MCM10: variants seen among roughly 807,000 people sequenced by gnomAD.
MCM10 encodes protein MCM10 homolog.
MCM10 carries 91 observed loss-of-function variants against 109.9 expected under a neutral mutation model. The observed-to-expected ratio is 0.83, with a 90% CI of 0.70 to 0.99. The LOEUF (loss-of-function observed/expected upper bound fraction) is 0.99. Ranked by LOEUF, MCM10 falls within the 50% of genes least tolerant of loss-of-function variation. MCM10 has a pLI of 0.00. For synonymous variants in MCM10, 380 were observed against 387.2 expected, an observed-to-expected ratio of 0.98 and a Z score of 0.22; for missense variants, 1,077 against 1,061.2, an observed-to-expected ratio of 1.01 and a Z score of -0.21.
In MCM10 at chr10:13,164,210, G is replaced by T; in HGVS notation, c.7+1G>T. On this transcript the variant is annotated splice_donor_variant, in intron 2 of 19. Transcript: ENST00000378714. LOFTEE classifies it high-confidence loss of function. ...AACTGTCCTCTTGACAGCATGGATG[G>T]TAAGACCTGGCAGTTTTCTGTTACT... 1 of 1,596,528 alleles carries T rather than the reference G, an allele frequency of 6.3e-7. No homozygotes were observed. Among genetic ancestry groups the T allele is most frequent in the South Asian group, 1.1e-5 (1 of 87,522 alleles).
chr10:13,171,034 C>T lies in MCM10; in HGVS notation c.120C>T (p.Asp40=), dbSNP rs964658076. 1.2e-6 allele frequency: 2 copies of T among 1,614,122 alleles called. No homozygotes were observed. Among genetic ancestry groups the T allele is most frequent in the South Asian group, 1.1e-5 (1 of 91,076 alleles). ...NFLTRENGEP[D]AFDELFDADG... ...TGACGCGGGAAAATGGCGAGCCCGACGCATTTGATGAGCTCTTTGATGCCG... is the reference window on the plus strand; with the variant it reads ...TGACGCGGGAAAATGGCGAGCCCGATGCATTTGATGAGCTCTTTGATGCCG... Residue 40 remains aspartate, a synonymous_variant, in exon 3 of 20, where the codon GAC becomes GAT. Coordinates refer to ENST00000378714, the MANE Select transcript of MCM10 (RefSeq NM_018518.5).
chr10:13,209,029 G>T (rs12269085), intron 18 of MCM10, 62 bp from the exon 19 acceptor site: 1 of 1,197,280 alleles, frequency 8.4e-7, no homozygotes, highest in Non-Finnish European at 1.2e-6. Context: ...AGTGAGCACC[G>T]TCGTCTTTAC....
intron 3 of MCM10, 150 bp downstream of exon 3, chr10:13,171,413 T>G: frequency 1.3e-6 from 1 of 768,786 alleles, no homozygotes; most frequent in Non-Finnish European, 2.0e-6. Flanking sequence ...TTATATGAGT[T>G]GGTAGATGAA....
intron 11 of MCM10, 80 bp from the exon 12 acceptor site, chr10:13,192,175 A>T (rs1834355942): frequency 1.2e-6 from 1 of 848,604 alleles, no homozygotes; most frequent in Non-Finnish European, 1.9e-6. Flanking sequence ...TTACAAGTGC[A>T]GAGTTTAGAA....
intron 2 of MCM10, among the ~76,000 whole-genome samples, chr10:13,168,038 C>T (rs1208472949): frequency 6.6e-6 from 1 of 152,130 alleles, no homozygotes; most frequent in Non-Finnish European, 1.5e-5. Context: ...TGGGATTAGC[C>T]CTCGTTCTCT....
chr10:13,174,495 C>G (rs1834115163), intron 5 of MCM10, among the ~76,000 whole-genome samples: 1 of 152,130 alleles, frequency 6.6e-6, no homozygotes, highest in African/African-American at 2.4e-5. Context: ...ATAATCTGCG[C>G]CAGTGCTCTG....
intron 6 of MCM10, among the ~76,000 whole-genome samples, chr10:13,176,143 A>G (rs1173089785): frequency 6.6e-6 from 1 of 151,824 alleles, no homozygotes; most frequent in East Asian, 1.9e-4. Context: ...CATTTTTTCT[A>G]TTTCTATTGA....
chr10:13,209,726 C>T lies in MCM10; in HGVS notation c.*416C>T. On this transcript the variant is annotated 3_prime_UTR_variant, in exon 20 of 20. Coordinates refer to ENST00000378714, the MANE Select transcript of MCM10 (RefSeq NM_018518.5). ...CTTAATTCTCACTCCAGGTAAGTAG[C>T]TTAACTTCTGGGCTTCAGTTTTCTC... 1 of 165,788 alleles carries T rather than the reference C, an allele frequency of 6.0e-6. No individual in the cohort carries two copies. The highest frequency in any genetic ancestry group is 1.8e-4 in the East Asian group (1 of 5,714). 10.3% of individuals were successfully genotyped at this position (165,788 alleles called of 1,614,324 possible). A position where few individuals can be genotyped will look rare whatever the true frequency, so the allele number is the denominator to read the frequency against.
intron 15 of MCM10, 78 bp downstream of exon 15, chr10:13,197,845 C>A: frequency 6.9e-7 from 1 of 1,442,060 alleles, no homozygotes; most frequent in Non-Finnish European, 9.4e-7. Context: ...AAACCAGCAC[C>A]CAGATATCAA....
rs368232447 is a variant in MCM10, at chr10:13,172,513, A to G, written c.454+33A>G. The G allele has an allele frequency of 9.3e-6, 15 of 1,605,538 alleles. No individual in the cohort carries two copies. In the African/African-American group the frequency reaches 1.3e-4, roughly 14 times the overall value. Reference sequence around the variant, plus strand: ...GACTGTCATTCTGGCAATCGTGTGCATTTATTTTATTAGAAATTATCACAT... The same window carrying G: ...GACTGTCATTCTGGCAATCGTGTGCGTTTATTTTATTAGAAATTATCACAT... On this transcript the variant is annotated intron_variant, in intron 4 of 19. Coordinates refer to ENST00000378714, the MANE Select transcript of MCM10 (RefSeq NM_018518.5). This position sits in a 1 kb window ranked among gnomAD's most constrained non-coding sequence, Gnocchi z 5.2.
rs1487762145 is a variant in MCM10 at position 13,210,891 on chromosome 10, C to T, written c.*1581C>T. ...ACAGCTATGTGTATGAAATAGGTCA[C>T]AACAGAACTTGAACACCAGGTTGGT... On this transcript the variant is annotated 3_prime_UTR_variant, in exon 20 of 20. Transcript: ENST00000378714. 2.0e-5 allele frequency: 3 copies of T among 152,248 alleles called. No individual in the cohort carries two copies. Among genetic ancestry groups the T allele is most frequent in the East Asian group, 3.9e-4 (2 of 5,184 alleles). 9.4% of individuals were successfully genotyped at this position (152,248 alleles called of 1,614,324 possible).
At chr10:13,165,907 C>A (rs1469099770) in intron 2 of MCM10, among the ~76,000 whole-genome samples, 9 of 147,376 alleles carry the variant, frequency 6.1e-5, no homozygotes, top group Admixed American at 5.4e-4. Flanking sequence ...AAAAAGAAAT[C>A]ATAATATTTA....
intron 2 of MCM10, among the ~76,000 whole-genome samples, chr10:13,166,054 A>G (rs1387308989): frequency 6.6e-6 from 1 of 152,012 alleles, no homozygotes; most frequent in Non-Finnish European, 1.5e-5. Flanking sequence ...AGATAACAAA[A>G]CAATAAACGG....
intron 6 of MCM10, among the ~76,000 whole-genome samples, chr10:13,178,425 G>T (rs756818105): frequency 6.6e-6 from 1 of 152,188 alleles, no homozygotes; most frequent in African/African-American, 2.4e-5. Flanking sequence ...TGTATATGGC[G>T]AGAGATAGGG....
intron 6 of MCM10, among the ~76,000 whole-genome samples, chr10:13,179,624 A>T (rs1834184185): frequency 6.6e-6 from 1 of 152,232 alleles, no homozygotes; most frequent in South Asian, 2.1e-4. Flanking sequence ...AGATGAAACA[A>T]ATGTTAATAA....
At chr10:13,203,017 G>T (rs1454728955) in intron 17 of MCM10, among the ~76,000 whole-genome samples, 2 of 151,948 alleles carry the variant, frequency 1.3e-5, no homozygotes, top group African/African-American at 4.8e-5. Context: ...GCAAATTTTT[G>T]TATTTTTAAT....
chr10:13,176,703 C>T (rs757857329), intron 6 of MCM10, among the ~76,000 whole-genome samples: 8 of 152,188 alleles, frequency 5.3e-5, no homozygotes, highest in African/African-American at 1.9e-4. Flanking sequence ...TCGAGACTAG[C>T]TGGGGTAACA....
Position 13,180,527 on chromosome 10 carries a change from G to A in MCM10, c.850G>A (p.Ala284Thr), listed in dbSNP as rs756114763. Residue 284 changes from alanine (A) to threonine (T), a missense_variant, in exon 7 of 20, where the codon GCC (alanine) becomes ACC (threonine). By Grantham distance (58) the Ala-to-Thr change is moderately conservative (BLOSUM62 0). Coordinates refer to ENST00000378714, the MANE Select transcript of MCM10 (RefSeq NM_018518.5). ...ACTGTCTCAGATCAAGGAAAAGATG[G>A]CCAGAGAGAAGCTGGAAGAAATAGA... is the stretch of plus-strand genomic sequence containing the variant. ...IRLSQIKEKM[A>T]REKLEEIDWV... 1.2e-6 allele frequency: 2 copies of A among 1,613,958 alleles called. No homozygotes were observed. Among genetic ancestry groups the A allele is most frequent in the Non-Finnish European group, 1.7e-6 (2 of 1,180,024 alleles).
chr10:13,169,485 A>G (rs548224155), intron 2 of MCM10, among the ~76,000 whole-genome samples: 1 of 152,322 alleles, frequency 6.6e-6, no homozygotes, highest in South Asian at 2.1e-4. Context: ...AAAATTGGAA[A>G]ACGTGGATAC....
Sources: allele counts gnomAD v4.1 joint callset (sites outside exome capture counted in the v4.1 genomes callset), GRCh38; gene constraint gnomAD v4.1.1; non-coding constraint Gnocchi (gnomAD v3.1); transcripts MANE v1.5; gene names NCBI Gene and HGNC (gene_info 2026-07-23, HGNC 2026-07-21).